PIK3AP1: variants seen among roughly 807,000 people sequenced by gnomAD.
PIK3AP1 encodes phosphoinositide-3-kinase adaptor protein 1, also known as phosphoinositide 3-kinase adapter protein 1.
Under a neutral mutation model 88.1 loss-of-function variants are expected in PIK3AP1, and 21 were observed. The ratio of observed to expected loss-of-function variants is 0.24; its 90% CI spans 0.17 to 0.34. PIK3AP1 has a LOEUF of 0.34. Among genes scored for constraint, PIK3AP1 ranks in the 10% least tolerant of loss-of-function variants. PIK3AP1 has a pLI of 1.00. For synonymous variants in PIK3AP1, 398 were observed against 400.0 expected (o/e 1.00, Z 0.06); for missense variants, 828 against 1,035.7 (o/e 0.80, Z 2.75).
At chr10:96,657,037 C>T in intron 2 of PIK3AP1, 103 bp from the exon 3 acceptor site, 2 of 1,256,068 alleles carry the variant, frequency 1.6e-6, no homozygotes, top group South Asian at 1.4e-5. Context: ...GGAAACGGCT[C>T]TGAATGTCAA....
At chr10:96,658,468 G>T (rs1369321750) in intron 2 of PIK3AP1, among the ~76,000 whole-genome samples, 1 of 152,136 alleles carries the variant, frequency 6.6e-6, no homozygotes, top group Non-Finnish European at 1.5e-5. Context: ...CATAAAGGCC[G>T]AGTTGGGGGC....
chr10:96,613,219 G>A (rs1268568450), intron 13 of PIK3AP1, among the ~76,000 whole-genome samples: 13 of 151,592 alleles, frequency 8.6e-5, no homozygotes, highest in African/African-American at 2.2e-4. Flanking sequence ...GGCTGCTCTC[G>A]AACTCCTGGC....
chr10:96,656,646 C>G, intron 3 of PIK3AP1, 152 bp downstream of exon 3: 1 of 1,131,200 alleles, frequency 8.8e-7, no homozygotes, highest in Non-Finnish European at 1.3e-6. Context: ...CTCCAGGGCC[C>G]GGGTAACAGG....
rs1844519228 is a variant in PIK3AP1, at chr10:96,717,598, G to A, written c.13+2784C>T. On this transcript the variant is annotated intron_variant, in intron 1 of 16. Coordinates refer to ENST00000339364, the MANE Select transcript of PIK3AP1 (RefSeq NM_152309.3). ...GTTAAAAGTCCCTTCAAGCTCCATG[G>A]TCCTGTAAGTCCAGGAATAGTAGAA... is the stretch of plus-strand genomic sequence containing the variant. Among the ~76,000 whole-genome samples, 3 of 152,192 alleles carry A rather than the reference G, an allele frequency of 2.0e-5. No homozygotes were observed. In the South Asian group the frequency reaches 6.2e-4, roughly 32 times the overall value.
rs149439401 is a variant in PIK3AP1, at chr10:96,665,145, T to C, written c.431-8211A>G. Among the ~76,000 whole-genome samples, 1,421 of 152,344 alleles carry C rather than the reference T, an allele frequency of 9.3e-3. 23 individuals carry two copies. The highest frequency in any genetic ancestry group is 0.033 in the African/African-American group (1,356 of 41,564). On this transcript the variant is annotated intron_variant, in intron 2 of 16. Coordinates refer to ENST00000339364, the MANE Select transcript of PIK3AP1 (RefSeq NM_152309.3). ...ATTAAGATGCCAGTAGCATCCTCAC[T>C]GCTTTAAAATTTCACAATATCCTCT...
intron 3 of PIK3AP1, among the ~76,000 whole-genome samples, chr10:96,655,088 C>T (rs977618305): frequency 6.6e-6 from 1 of 152,176 alleles, no homozygotes; most frequent in Non-Finnish European, 1.5e-5. Context: ...GGGAGTCTCA[C>T]CATGTTGCCC....
At chr10:96,609,654 AG>A in intron 14 of PIK3AP1, 57 bp downstream of exon 14, 1 of 1,575,978 alleles carries the variant, frequency 6.3e-7, no homozygotes, top group Non-Finnish European at 8.6e-7. Flanking sequence ...CTAAGGTCCA[AG>A]GGTGCCAGCT....
intron 6 of PIK3AP1, 85 bp downstream of exon 6, chr10:96,651,163 G>T: frequency 6.5e-7 from 1 of 1,547,718 alleles, no homozygotes. Flanking sequence ...ACAGCAGAAG[G>T]TAAACGCGTA....
chr10:96,607,356 C>T (rs1356453123), intron 14 of PIK3AP1, among the ~76,000 whole-genome samples: 5 of 152,200 alleles, frequency 3.3e-5, no homozygotes, highest in Non-Finnish European at 4.4e-5. Context: ...TATCTAGAAA[C>T]TCACAGCACT....
chr10:96,697,932 T>A lies in PIK3AP1; in HGVS notation c.430+11635A>T, dbSNP rs554468265. On this transcript the variant is annotated intron_variant, in intron 2 of 16. Coordinates refer to ENST00000339364, the MANE Select transcript of PIK3AP1 (RefSeq NM_152309.3). ...AAAACATACCTAAATCACATTATAC[T>A]ATACACATTCTTCTGTATCTTAGTT... Among the ~76,000 whole-genome samples, 8 of 152,382 alleles carry A rather than the reference T, an allele frequency of 5.2e-5. No homozygotes were observed. The South Asian group carries it at 1.7e-3, about 32-fold the overall frequency.
At chr10:96,602,497 T>C in intron 15 of PIK3AP1, 99 bp from the exon 16 acceptor site, 3 of 1,024,748 alleles carry the variant, frequency 2.9e-6, no homozygotes, top group Non-Finnish European at 4.5e-6. Context: ...CTCCTTAGGC[T>C]GGGGCTGAAG....
At chr10:96,625,682 A>G (rs1361376811) in intron 10 of PIK3AP1, among the ~76,000 whole-genome samples, 3 of 152,154 alleles carry the variant, frequency 2.0e-5, no homozygotes, top group African/African-American at 7.2e-5. Flanking sequence ...CCCTTTTGCC[A>G]CACCTCCAAC....
At position 96,646,895 on chromosome 10, in the gene PIK3AP1, CA is replaced by C. The variant is rs1428316202; in HGVS notation, c.1186-1234del. Among the ~76,000 whole-genome samples the C allele has an allele frequency of 7.2e-5, 11 of 152,306 alleles. No homozygotes were observed. In the East Asian group the frequency reaches 1.7e-3, roughly 24 times the overall value. On this transcript the variant is annotated intron_variant, in intron 7 of 16. Transcript: ENST00000339364. Reference sequence around the variant, plus strand: ...CAATCCTTATTTCAGCATCAACCCACAAAAATCCTCATTTTCACCACCACTA... The same window carrying C: ...CAATCCTTATTTCAGCATCAACCCACAAAATCCTCATTTTCACCACCACTA...
intron 8 of PIK3AP1, chr10:96,632,740 G>T: frequency 1.0e-6 from 1 of 956,786 alleles, no homozygotes; most frequent in South Asian, 2.0e-5. Flanking sequence ...CCCTGAGAGT[G>T]TCTCACAGGA....
intron 1 of PIK3AP1, among the ~76,000 whole-genome samples, chr10:96,713,503 T>TAA (rs566830672): frequency 6.0e-4 from 51 of 84,900 alleles, no homozygotes; most frequent in African/African-American, 1.4e-3. Context: ...GACTCCGTCT[T>TAA]AAAAAAAAAA....
chr10:96,699,411 A>T (rs1844263901), intron 2 of PIK3AP1, among the ~76,000 whole-genome samples: 1 of 152,232 alleles, frequency 6.6e-6, no homozygotes, highest in African/African-American at 2.4e-5. Context: ...TCAATAAGAG[A>T]ATATTTTAGA....
At chr10:96,644,249 A>C (rs1474224630) in intron 8 of PIK3AP1, among the ~76,000 whole-genome samples, 4 of 152,222 alleles carry the variant, frequency 2.6e-5, no homozygotes, top group African/African-American at 9.6e-5. Context: ...CCCAATGAAG[A>C]GATGTTTCAT....
Position 96,687,071 on chromosome 10 carries a change from A to G in PIK3AP1, c.430+22496T>C, listed in dbSNP as rs373461428. On this transcript the variant is annotated intron_variant, in intron 2 of 16. Coordinates refer to ENST00000339364, the MANE Select transcript of PIK3AP1 (RefSeq NM_152309.3). ...GGAGATCGAGACCATCCTGGCTAAT[A>G]CGGTGAAACCCCGTCTCTACTAAAA... Among the ~76,000 whole-genome samples the G allele has an allele frequency of 7.5e-4, 114 of 151,966 alleles. 1 individual carries two copies. The East Asian group carries it at 0.018, about 24-fold the overall frequency.
chr10:96,651,673 A>G lies in PIK3AP1; in HGVS notation c.713-22T>C, dbSNP rs187615107. The G allele has an allele frequency of 4.3e-6, 7 of 1,610,424 alleles. No homozygotes were observed. The East Asian group carries it at 1.3e-4, about 31-fold the overall frequency. On this transcript the variant is annotated intron_variant, in intron 4 of 16. Coordinates refer to ENST00000339364, the MANE Select transcript of PIK3AP1 (RefSeq NM_152309.3). ...AGGTCTGAACAGAAGAAAAGACACTATCAAAATTCCCAGGAAAAACAAGCA... is the reference window on the plus strand; with the variant it reads ...AGGTCTGAACAGAAGAAAAGACACTGTCAAAATTCCCAGGAAAAACAAGCA...
Sources: allele counts gnomAD v4.1 joint callset (sites outside exome capture counted in the v4.1 genomes callset), GRCh38; gene constraint gnomAD v4.1.1; transcripts MANE v1.5; gene names NCBI Gene and HGNC (gene_info 2026-07-23, HGNC 2026-07-21).